The following SYT7 variants were observed in gnomAD, a reference collection of about 807,000 sequenced individuals.
SYT7 encodes synaptotagmin-7.
A neutral mutation model predicts 75.1 loss-of-function variants in SYT7; 29 were observed. The ratio of observed to expected loss-of-function variants is 0.39; its 90% CI spans 0.29 to 0.53. SYT7 has a LOEUF of 0.53. Among genes scored for constraint, SYT7 ranks in the 20% least tolerant of loss-of-function variants. The probability of loss-of-function intolerance (pLI) is 0.77; values close to 1 mark genes in which losing one functional copy is unlikely to be tolerated. For missense variants in SYT7, 693 were observed against 953.2 expected (o/e 0.73, Z 3.59); for synonymous variants, 376 against 401.7 (o/e 0.94, Z 0.76).
At chr11:61,566,357 A>C (rs189637848) in intron 1 of SYT7, among the ~76,000 whole-genome samples, 132 of 152,368 alleles carry the variant, frequency 8.7e-4, no homozygotes, top group African/African-American at 2.9e-3. Flanking sequence ...ATCTGGCTTC[A>C]GTATTCAGCC....
chr11:61,526,920 T>G (rs1590834258), intron 9 of SYT7, among the ~76,000 whole-genome samples: 1 of 152,168 alleles, frequency 6.6e-6, no homozygotes, highest in South Asian at 2.1e-4. Context: ...GGGTACACGG[T>G]GAAGATTCTG....
chr11:61,524,126 C>T lies in SYT7; in HGVS notation c.1642-185G>A, dbSNP rs1210404148. 3.3e-5 allele frequency among the ~76,000 whole-genome samples: 5 copies of T among 152,212 alleles called. No individual in the cohort carries two copies. Among genetic ancestry groups the T allele is most frequent in the South Asian group, 4.1e-4 (2 of 4,834 alleles). On this transcript the variant is annotated intron_variant, in intron 10 of 12. Transcript: ENST00000539008. This position sits in a 1 kb window ranked among gnomAD's most constrained non-coding sequence, Gnocchi z 4.1. ...GTACTGCCCCTCCCAGGGTCACCATCGCCTCCCTGTTCCCTGAACATAGCC... is the reference window on the plus strand; with the variant it reads ...GTACTGCCCCTCCCAGGGTCACCATTGCCTCCCTGTTCCCTGAACATAGCC...
intron 8 of SYT7, among the ~76,000 whole-genome samples, chr11:61,532,578 G>C (rs903269940): frequency 2.6e-5 from 4 of 152,138 alleles, no homozygotes; most frequent in Non-Finnish European, 5.9e-5. Context: ...CAATTAAGGG[G>C]ACATCACTCT....
At chr11:61,538,074 T>C in intron 7 of SYT7, 70 bp downstream of exon 7, 3 of 1,522,714 alleles carry the variant, frequency 2.0e-6, no homozygotes, top group South Asian at 1.2e-5. Context: ...CCGGGGCCGG[T>C]CGAGGCAGGC....
At chr11:61,556,038 G>A in intron 2 of SYT7, 66 bp downstream of exon 2, 1 of 1,382,950 alleles carries the variant, frequency 7.2e-7, no homozygotes, top group Non-Finnish European at 1.0e-6. Flanking sequence ...TTGTGTGTGT[G>A]TGTGGGGAGG....
chr11:61,523,382 C>T lies in SYT7; in HGVS notation c.1757-108G>A, dbSNP rs1459301145. The T allele has an allele frequency of 9.9e-6, 11 of 1,113,314 alleles. No homozygotes were observed. The highest frequency in any genetic ancestry group is 5.1e-4 in the Middle Eastern group (2 of 3,928). 69.0% of individuals were successfully genotyped at this position (1,113,314 alleles called of 1,614,324 possible). The stretch of plus-strand genomic sequence containing the variant: ...CTGAGGCAGGAGGGCCGTGTGCTTT[C>T]CCCAGAGGCAAGGAAAGACCCAGGC... On this transcript the variant is annotated intron_variant, in intron 11 of 12. Transcript: ENST00000539008. This position sits in a 1 kb window ranked among gnomAD's most constrained non-coding sequence, Gnocchi z 5.0.
chr11:61,551,315 G>T lies in SYT7; in HGVS notation c.215+69C>A, dbSNP rs1590904241. ...TGTGGTCAGGTCTGTGGGGCTGGGG[G>T]AGAGAAGGGGCTCCTCCCACCTGGG... On this transcript the variant is annotated intron_variant, in intron 3 of 12. Transcript: ENST00000539008. This position sits in a 1 kb window ranked among gnomAD's most constrained non-coding sequence, Gnocchi z 5.3. The T allele has an allele frequency of 2.8e-6, 4 of 1,435,426 alleles. No homozygotes were observed. The highest frequency in any genetic ancestry group is 3.9e-6 in the Non-Finnish European group (4 of 1,023,456). 88.9% of individuals were successfully genotyped at this position (1,435,426 alleles called of 1,614,324 possible).
intron 1 of SYT7, among the ~76,000 whole-genome samples, chr11:61,559,046 A>G (rs2063574593): frequency 6.6e-6 from 1 of 152,060 alleles, no homozygotes; most frequent in Non-Finnish European, 1.5e-5. Context: ...GCCCAGCCCC[A>G]CCTCTGCCTC....
At chr11:61,555,361 G>A (rs1455877489) in intron 2 of SYT7, among the ~76,000 whole-genome samples, 1 of 152,236 alleles carries the variant, frequency 6.6e-6, no homozygotes, top group Non-Finnish European at 1.5e-5. Flanking sequence ...CGGGCGGCAG[G>A]AGTGGGGACG....
Position 61,517,426 on chromosome 11 carries a change from G to A in SYT7, c.*1201C>T. On this transcript the variant is annotated 3_prime_UTR_variant, in exon 13 of 13. Transcript: ENST00000539008. ...TCCCGGGGACCAGGGAGTGGGGAAG[G>A]GTGAGAAGACAGTCCTGGAGAAGGT... is the stretch of plus-strand genomic sequence containing the variant. 1 of 398,890 alleles carries A rather than the reference G, an allele frequency of 2.5e-6. No individual in the cohort carries two copies. Among genetic ancestry groups the A allele is most frequent in the Non-Finnish European group, 4.4e-6 (1 of 226,256 alleles). The allele number at this position is 398,890 out of a possible 1,614,324, so 24.7% of individuals were successfully genotyped here.
intron 7 of SYT7, chr11:61,533,642 C>G (rs945169752): frequency 1.0e-6 from 1 of 985,304 alleles, no homozygotes. Flanking sequence ...CTCTTCCCAC[C>G]CTCCAGACGT....
At position 61,527,999 on chromosome 11, in the gene SYT7, G is replaced by A; in HGVS notation, c.1387C>T (p.Leu463=). The part of the protein sequence containing the change: ...TSDPFVKIYL[L]PDKKHKLETK... ...TCCAGCTTGTGCTTCTTGTCGGGCAGCAGGTAGATCTTGACGAAGGGGTCG... is the reference window on the plus strand; with the variant it reads ...TCCAGCTTGTGCTTCTTGTCGGGCAACAGGTAGATCTTGACGAAGGGGTCG... The change falls in exon 9 of 13, where the codon CTG becomes TTG. Residue 463 remains leucine, a synonymous_variant. Coordinates refer to ENST00000539008, the MANE Select transcript of SYT7 (RefSeq NM_001365809.2). 1.2e-6 allele frequency: 2 copies of A among 1,614,202 alleles called. No individual in the cohort carries two copies. Among genetic ancestry groups the A allele is most frequent in the Non-Finnish European group, 1.7e-6 (2 of 1,180,046 alleles).
rs139749760 is a variant in SYT7, at chr11:61,528,015, G to A, written c.1371C>T (p.Phe457=). The part of the protein sequence containing the change: ...AKDFSGTSDP[F]VKIYLLPDKK... Reference sequence around the variant, plus strand: ...TGTCGGGCAGCAGGTAGATCTTGACGAAGGGGTCGCTGGTGCCGCTGAAGT... The same window carrying A: ...TGTCGGGCAGCAGGTAGATCTTGACAAAGGGGTCGCTGGTGCCGCTGAAGT... Residue 457 remains phenylalanine, a synonymous_variant, in exon 9 of 13, where the codon TTC becomes TTT. Transcript: ENST00000539008. 6.2e-6 allele frequency: 10 copies of A among 1,614,020 alleles called. No homozygotes were observed. Among genetic ancestry groups the A allele is most frequent in the African/African-American group, 1.3e-5 (1 of 74,912 alleles).
At chr11:61,566,263 C>T (rs2063764953) in intron 1 of SYT7, among the ~76,000 whole-genome samples, 1 of 152,226 alleles carries the variant, frequency 6.6e-6, no homozygotes, top group Non-Finnish European at 1.5e-5. Context: ...ATCTTCTGCT[C>T]AGTGACCCCC....
rs1420783597 is a variant in SYT7 at position 61,546,085 on chromosome 11, C to T, written c.518G>A (p.Gly173Asp). 1 of 1,532,058 alleles carries T rather than the reference C, an allele frequency of 6.5e-7. No homozygotes were observed. Among genetic ancestry groups the T allele is most frequent in the East Asian group, 2.5e-5 (1 of 40,480 alleles). The allele number at this position is 1,532,058 out of a possible 1,614,324, so 94.9% of individuals were successfully genotyped here. A position where few individuals can be genotyped will look rare whatever the true frequency, so the allele number is the denominator to read the frequency against. Residue 173 changes from glycine to aspartate, a missense_variant, in exon 5 of 13, where the codon GGC (glycine) becomes GAC (aspartate). Gly to Asp is a moderately conservative substitution (Grantham distance 94). Coordinates refer to ENST00000539008, the MANE Select transcript of SYT7 (RefSeq NM_001365809.2). The surrounding 1 kb of genome is among the most constrained non-coding windows in gnomAD (Gnocchi z 7.6). ...GTGGCTCTGCACCGTCCGCCAGCGG[C>T]CTCTCCCCGCCTTGCCACCGCTGCC... ...EPGSGGKAGR[G>D]RWRTVQSHLA...
At chr11:61,587,253 C>T in the SYT7 span, among the ~76,000 whole-genome samples, 1 of 152,220 alleles carries the variant, frequency 6.6e-6, no homozygotes, top group South Asian at 2.1e-4. Context: ...AGACCCGAGC[C>T]CAGCTGGTAG....
At position 61,546,255 on chromosome 11, in the gene SYT7, A is replaced by G. The variant is rs960726572; in HGVS notation, c.348T>C (p.Asn116=). The G allele has an allele frequency of 1.3e-5, 18 of 1,434,216 alleles. No homozygotes were observed. Among genetic ancestry groups the G allele is most frequent in the Non-Finnish European group, 1.6e-5 (18 of 1,103,580 alleles). 88.8% of individuals were successfully genotyped at this position (1,434,216 alleles called of 1,614,324 possible). Residue 116 remains asparagine, a splice_region_variant and synonymous_variant, in exon 5 of 13, where the codon AAT becomes AAC. Coordinates refer to ENST00000539008, the MANE Select transcript of SYT7 (RefSeq NM_001365809.2). This position sits in a 1 kb window ranked among gnomAD's most constrained non-coding sequence, Gnocchi z 7.6. ...APYGDPRLSL[N]GTLLSGAKVA... ...CTTTGGCGCCCGACAGGAGGGTGCC[A>G]CTGGAGGCATGCACGAGGCAGCCAG...
rs376233795 is a variant in SYT7, at chr11:61,524,112, C to A, written c.1642-171G>T. On this transcript the variant is annotated intron_variant, in intron 10 of 12. Transcript: ENST00000539008. This position sits in a 1 kb window ranked among gnomAD's most constrained non-coding sequence, Gnocchi z 4.1. ...TCTGGCAGGTGTGTGTACTGCCCCT[C>A]CCAGGGTCACCATCGCCTCCCTGTT... Among the ~76,000 whole-genome samples, 4 of 152,170 alleles carry A rather than the reference C, an allele frequency of 2.6e-5. No homozygotes were observed. The East Asian group carries it at 5.8e-4, about 22-fold the overall frequency.
Position 61,517,111 on chromosome 11 carries a change from C to T in SYT7, c.*1516G>A, listed in dbSNP as rs547736984. 3 of 396,228 alleles carry T rather than the reference C, an allele frequency of 7.6e-6. No homozygotes were observed. The highest frequency in any genetic ancestry group is 1.4e-4 in the South Asian group (1 of 6,998). 24.5% of individuals were successfully genotyped at this position (396,228 alleles called of 1,614,324 possible). A position where few individuals can be genotyped will look rare whatever the true frequency, so the allele number is the denominator to read the frequency against. ...ACTGTGGGGGCCTGGCGCCACCTGG[C>T]GGTAGTTCTGGGAATGTCAGGCCCA... On this transcript the variant is annotated 3_prime_UTR_variant, in exon 13 of 13. Transcript: ENST00000539008.
Sources: gnomAD v4.1 joint callset for allele counts (sites outside exome capture counted in the v4.1 genomes callset) on GRCh38, gnomAD v4.1.1 for gene constraint, Gnocchi (gnomAD v3.1) non-coding constraint, MANE v1.5 for transcripts, NCBI Gene and HGNC (gene_info 2026-07-23, HGNC 2026-07-21) for gene names.